CEP85L: variants seen among roughly 807,000 people sequenced by gnomAD.
The protein encoded by CEP85L is centrosomal protein 85L.
Under a neutral mutation model 100.3 loss-of-function variants are expected in CEP85L, and 60 were observed. The ratio of observed to expected loss-of-function variants is 0.60; its 90% CI spans 0.49 to 0.74. The LOEUF (loss-of-function observed/expected upper bound fraction) is 0.74, where lower values mean the gene tolerates loss of function less well. Ranked by LOEUF, CEP85L falls within the 30% of genes least tolerant of loss-of-function variation. The pLI, the probability that CEP85L is intolerant of heterozygous loss-of-function variation, is 0.00. For missense variants in CEP85L, 973 were observed against 936.2 expected (o/e 1.04, Z -0.51); for synonymous variants, 319 against 322.7 (o/e 0.99, Z 0.12).
At chr6:118,656,801 A>G (rs545761783), upstream of CEP85L, 11 of 152,364 alleles carry the variant, frequency 7.2e-5, no homozygotes, top group East Asian at 1.9e-4. Context: ...ATTTTAAAAT[A>G]TAACAATAGA....
intron 2 of CEP85L, among the ~76,000 whole-genome samples, chr6:118,567,247 G>GCA (rs1779595737): frequency 3.1e-5 from 1 of 31,912 alleles, no homozygotes; most frequent in South Asian, 8.6e-4. Context: ...GTGTGTGTGT[G>GCA]TGTATATATA....
chr6:118,655,374 T>A (rs1321173023), upstream of CEP85L, among the ~76,000 whole-genome samples: 10 of 152,214 alleles, frequency 6.6e-5, no homozygotes, highest in Non-Finnish European at 1.5e-4. Context: ...ACAGATGAAG[T>A]CTTCCAAAGG....
chr6:118,613,094 C>G (rs1772760641), intron 2 of CEP85L, among the ~76,000 whole-genome samples: 1 of 152,042 alleles, frequency 6.6e-6, no homozygotes, highest in South Asian at 2.1e-4. Context: ...GGCCTGTAAT[C>G]CCAGCTACTC....
chr6:118,550,549 A>G (rs956823337), intron 3 of CEP85L, among the ~76,000 whole-genome samples: 4 of 151,876 alleles, frequency 2.6e-5, no homozygotes, highest in Admixed American at 2.6e-4. Flanking sequence ...TCTTAATTAT[A>G]TATTTGATAC....
intron 1 of CEP85L, among the ~76,000 whole-genome samples, chr6:118,636,626 G>A (rs1238727352): frequency 3.4e-5 from 5 of 147,888 alleles, no homozygotes; most frequent in Non-Finnish European, 5.9e-5. Flanking sequence ...TCCATAATGT[G>A]GGTGGGCTTC....
chr6:118,694,200 C>T (rs908244512), intron 1 of CEP85L, among the ~76,000 whole-genome samples: 2 of 152,120 alleles, frequency 1.3e-5, no homozygotes, highest in East Asian at 1.9e-4. Flanking sequence ...CCAAGAGAAA[C>T]CAAAATGTAA....
chr6:118,565,616 A>G lies in CEP85L; in HGVS notation c.933T>C (p.Gly311=), dbSNP rs1350316144. ...TEQLRTNPLE[G]RNTEDSYSLA... ...AACTGTAAGAATCCTCTGTATTTCT[A>G]CCTTCCAAAGGATTTGTCCGCAGCT... Residue 311 remains glycine, a synonymous_variant, in exon 3 of 13, where the codon GGT becomes GGC. Coordinates refer to ENST00000368491, the MANE Select transcript of CEP85L (RefSeq NM_001042475.3). The G allele has an allele frequency of 6.2e-7, 1 of 1,614,174 alleles. No homozygotes were observed. Among genetic ancestry groups the G allele is most frequent in the Non-Finnish European group, 8.5e-7 (1 of 1,180,016 alleles).
intron 2 of CEP85L, among the ~76,000 whole-genome samples, chr6:118,626,098 G>C (rs968380704): frequency 5.9e-5 from 9 of 152,114 alleles, no homozygotes; most frequent in South Asian, 4.1e-4. Flanking sequence ...CTGTTTAGAG[G>C]GGGGACTGAG....
At chr6:118,473,899 A>T (rs2114464564) in intron 10 of CEP85L, among the ~76,000 whole-genome samples, 1 of 152,288 alleles carries the variant, frequency 6.6e-6, no homozygotes, top group East Asian at 1.9e-4. Context: ...TGAAATGTAT[A>T]GCAGGGTGTT....
At chr6:118,569,965 G>A (rs940489936) in intron 2 of CEP85L, among the ~76,000 whole-genome samples, 23 of 152,058 alleles carry the variant, frequency 1.5e-4, no homozygotes, top group African/African-American at 5.6e-4. Context: ...ACAGTAATGG[G>A]AACACAAACT....
chr6:118,537,471 C>T lies in CEP85L; in HGVS notation c.1021-13551G>A, dbSNP rs140452060. 1.9e-4 allele frequency: 189 copies of T among 972,220 alleles called. 2 individuals carry two copies. The East Asian group carries it at 0.02, about 101-fold the overall frequency. The allele number at this position is 972,220 out of a possible 1,614,324, so 60.2% of individuals were successfully genotyped here. A position where few individuals can be genotyped will look rare whatever the true frequency, so the allele number is the denominator to read the frequency against. ...ACACTGTTCTCTACCCTAATGTAGG[C>T]ATGTAGACCCTAACCATATAGATTT... is the stretch of plus-strand genomic sequence containing the variant. On this transcript the variant is annotated intron_variant, in intron 3 of 12. Coordinates refer to ENST00000368491, the MANE Select transcript of CEP85L (RefSeq NM_001042475.3).
At chr6:118,486,643 T>C (rs1342194330) in intron 6 of CEP85L, among the ~76,000 whole-genome samples, 1 of 152,130 alleles carries the variant, frequency 6.6e-6, no homozygotes, top group African/African-American at 2.4e-5. Flanking sequence ...ACTCAAGTCA[T>C]CTCCATGTGC....
In CEP85L at chr6:118,600,349, G is replaced by GTC. The variant is rs1562297991; in HGVS notation, c.232+32103_232+32104insGA. The stretch of plus-strand genomic sequence containing the variant: ...TGTGTGTGTGTGTGTGTGTGTGTGT[G>GTC]TGTGTGTGTGTGTGTGTGTGTAACG... On this transcript the variant is annotated intron_variant, in intron 2 of 12. Coordinates refer to ENST00000368491, the MANE Select transcript of CEP85L (RefSeq NM_001042475.3). 1.2e-3 allele frequency among the ~76,000 whole-genome samples: 160 copies of GTC among 136,152 alleles called. 14 individuals are homozygous for GTC. The highest frequency in any genetic ancestry group is 4.5e-3 in the African/African-American group (159 of 35,420). The allele number at this position is 136,152 out of a possible 152,430, so 89.3% of individuals were successfully genotyped here. A position where few individuals can be genotyped will look rare whatever the true frequency, so the allele number is the denominator to read the frequency against.
intron 1 of CEP85L, among the ~76,000 whole-genome samples, chr6:118,705,247 A>C (rs181515756): frequency 6.6e-6 from 1 of 152,316 alleles, no homozygotes; most frequent in African/African-American, 2.4e-5. Flanking sequence ...CATGCAGCAG[A>C]GATGCATACC....
chr6:118,679,532 T>G (rs975230327), intron 1 of CEP85L, among the ~76,000 whole-genome samples: 1 of 152,232 alleles, frequency 6.6e-6, no homozygotes, highest in African/African-American at 2.4e-5. Context: ...AATGATGATA[T>G]TAGCATAGTT....
intron 5 of CEP85L, among the ~76,000 whole-genome samples, chr6:118,495,512 A>AG (rs1228637133): frequency 6.6e-6 from 1 of 152,164 alleles, no homozygotes; most frequent in Non-Finnish European, 1.5e-5. Flanking sequence ...CATATGAAGA[A>AG]GGATGTGTTT....
chr6:118,544,623 T>G (rs1482719338), intron 3 of CEP85L, among the ~76,000 whole-genome samples: 1 of 152,178 alleles, frequency 6.6e-6, no homozygotes. Flanking sequence ...TCTCTTAATG[T>G]CAATGCTCTT....
intron 2 of CEP85L, among the ~76,000 whole-genome samples, chr6:118,598,765 G>A (rs1446555810): frequency 3.3e-5 from 5 of 152,174 alleles, no homozygotes; most frequent in African/African-American, 4.8e-5. Flanking sequence ...TCTAGTTTGT[G>A]GTAATTTGTT....
At chr6:118,644,150 T>C (rs1775044561) in intron 1 of CEP85L, among the ~76,000 whole-genome samples, 1 of 152,238 alleles carries the variant, frequency 6.6e-6, no homozygotes, top group Admixed American at 6.5e-5. Context: ...ACTGGCCAAA[T>C]GCATTGATGC....
Sources: gnomAD v4.1 joint callset for allele counts (sites outside exome capture counted in the v4.1 genomes callset) on GRCh38, gnomAD v4.1.1 for gene constraint, MANE v1.5 for transcripts, NCBI Gene and HGNC (gene_info 2026-07-23, HGNC 2026-07-21) for gene names.